PDE8B: variants seen among roughly 807,000 people sequenced by gnomAD.
PDE8B encodes phosphodiesterase 8B.
A neutral mutation model predicts 101.3 loss-of-function variants in PDE8B; 26 were observed. The observed-to-expected ratio is 0.26, with a 90% CI of 0.19 to 0.36. The LOEUF (loss-of-function observed/expected upper bound fraction) is 0.36. Ranked by LOEUF, PDE8B falls within the 10% of genes least tolerant of loss-of-function variation. PDE8B has a pLI of 1.00. For synonymous variants in PDE8B, 424 were observed against 429.3 expected (o/e 0.99, Z 0.15); for missense variants, 810 against 1,163.1 (o/e 0.70, Z 4.42).
At chr5:77,357,425 C>T (rs1261165869) in intron 10 of PDE8B, among the ~76,000 whole-genome samples, 1 of 152,206 alleles carries the variant, frequency 6.6e-6, no homozygotes, top group Non-Finnish European at 1.5e-5. Context: ...TTAAAATGAC[C>T]TCCTGCCCTT....
At chr5:77,262,792 C>G (rs1352701014) in intron 1 of PDE8B, among the ~76,000 whole-genome samples, 1 of 152,176 alleles carries the variant, frequency 6.6e-6, no homozygotes, top group Non-Finnish European at 1.5e-5. Flanking sequence ...CTTGTTTTCT[C>G]TCCTAAAGTC....
the PDE8B span, among the ~76,000 whole-genome samples, chr5:77,097,732 T>C: frequency 0.01 from 672 of 65,130 alleles, 36 homozygotes; most frequent in African/African-American, 0.024. Flanking sequence ...TATATATATA[T>C]ACATACATAT....
intron 1 of PDE8B, among the ~76,000 whole-genome samples, chr5:77,285,461 C>T (rs1456266439): frequency 1.3e-5 from 2 of 152,114 alleles, no homozygotes; most frequent in African/African-American, 4.8e-5. Flanking sequence ...CGTAGTTTCT[C>T]ATGAAAATTT....
intron 11 of PDE8B, among the ~76,000 whole-genome samples, chr5:77,401,708 A>G (rs1792324604): frequency 6.6e-6 from 1 of 152,084 alleles, no homozygotes. Context: ...TTTTTGCCAC[A>G]GAGTACAGCT....
the PDE8B span, among the ~76,000 whole-genome samples, chr5:77,133,185 T>C: frequency 7.8e-3 from 1,184 of 152,288 alleles, 14 homozygotes; most frequent in African/African-American, 0.027. Flanking sequence ...ACTTGTGTGG[T>C]TGGGCTTGTT....
chr5:77,337,654 T>A (rs184864748), intron 6 of PDE8B, among the ~76,000 whole-genome samples: 14 of 152,314 alleles, frequency 9.2e-5, no homozygotes, highest in Admixed American at 6.5e-4. Flanking sequence ...TATTTATACA[T>A]TTTTACTTGG....
At chr5:77,286,649 C>G (rs561087698) in intron 1 of PDE8B, among the ~76,000 whole-genome samples, 1 of 152,298 alleles carries the variant, frequency 6.6e-6, no homozygotes, top group East Asian at 1.9e-4. Flanking sequence ...TAGGAATTTA[C>G]TCGTTCTTAC....
intron 3 of PDE8B, 64 bp from the exon 4 acceptor site, chr5:77,328,934 C>A (rs1359969612): frequency 3.3e-6 from 4 of 1,222,934 alleles, no homozygotes; most frequent in Non-Finnish European, 3.6e-6. Flanking sequence ...TGAAGAAGTT[C>A]CACATTCATT....
chr5:77,159,972 T>C, the PDE8B span, among the ~76,000 whole-genome samples: 1 of 152,162 alleles, frequency 6.6e-6, no homozygotes, highest in South Asian at 2.1e-4. Context: ...ACATTTAAAG[T>C]TAAGGTTATA....
At chr5:77,308,914 C>T (rs1488441922) in intron 1 of PDE8B, among the ~76,000 whole-genome samples, 1 of 152,160 alleles carries the variant, frequency 6.6e-6, no homozygotes, top group East Asian at 1.9e-4. Context: ...CACAATGGCT[C>T]ATGCCTGTAA....
chr5:77,213,449 T>C (rs1748932597), intron 1 of PDE8B, among the ~76,000 whole-genome samples: 1 of 152,256 alleles, frequency 6.6e-6, no homozygotes, highest in South Asian at 2.1e-4. Flanking sequence ...TAGTATCCTT[T>C]TAGGCCTGTG....
chr5:77,091,027 C>T, the PDE8B span, among the ~76,000 whole-genome samples: 1 of 152,180 alleles, frequency 6.6e-6, no homozygotes, highest in African/African-American at 2.4e-5. Context: ...ATTGACATTT[C>T]CACCAATAGG....
intron 1 of PDE8B, among the ~76,000 whole-genome samples, chr5:77,287,553 G>T (rs147275340): frequency 6.9e-6 from 1 of 143,980 alleles, no homozygotes; most frequent in South Asian, 2.2e-4. Context: ...TGTTCCTGAC[G>T]CGTTCTCTCT....
At chr5:77,271,515 G>C (rs1014156043) in intron 1 of PDE8B, among the ~76,000 whole-genome samples, 1 of 152,244 alleles carries the variant, frequency 6.6e-6, no homozygotes, top group Non-Finnish European at 1.5e-5. Context: ...GAAGAAGGTA[G>C]TGACTGAAGG....
intron 6 of PDE8B, among the ~76,000 whole-genome samples, chr5:77,338,019 C>T (rs1178761862): frequency 6.6e-6 from 1 of 152,154 alleles, no homozygotes; most frequent in East Asian, 1.9e-4. Context: ...GTTTTCCTCT[C>T]TTCTCAGCCA....
chr5:77,394,905 C>G (rs1048099768), intron 10 of PDE8B, among the ~76,000 whole-genome samples: 9 of 152,134 alleles, frequency 5.9e-5, no homozygotes, highest in African/African-American at 1.2e-4. Flanking sequence ...GATTAATTAC[C>G]TCAACATTGC....
intron 1 of PDE8B, among the ~76,000 whole-genome samples, chr5:77,230,515 A>G (rs1753355237): frequency 6.6e-6 from 1 of 152,080 alleles, no homozygotes; most frequent in African/African-American, 2.4e-5. Context: ...TGCCTAGGCT[A>G]GAGTATAGTG....
At chr5:77,221,629 G>A (rs944384724) in intron 1 of PDE8B, among the ~76,000 whole-genome samples, 3 of 152,096 alleles carry the variant, frequency 2.0e-5, no homozygotes, top group Non-Finnish European at 2.9e-5. Context: ...CTATCATTTT[G>A]TCTTCATGTA....
In PDE8B at chr5:77,360,815, C is replaced by T. The variant is rs1272397800; in HGVS notation, c.1167+7409C>T. ...CTTTGAAACAACTCTTGACTCCATG[C>T]CCACTTCCCAACCCACCACCACTTC... On this transcript the variant is annotated intron_variant, in intron 10 of 21. Coordinates refer to ENST00000264917, the MANE Select transcript of PDE8B (RefSeq NM_003719.5). Among the ~76,000 whole-genome samples the T allele has an allele frequency of 3.3e-5, 5 of 152,260 alleles. No individual in the cohort carries two copies. The East Asian group carries it at 7.7e-4, about 24-fold the overall frequency.
Sources: gnomAD v4.1 joint callset for allele counts (sites outside exome capture counted in the v4.1 genomes callset) on GRCh38, gnomAD v4.1.1 for gene constraint, MANE v1.5 for transcripts, NCBI Gene and HGNC (gene_info 2026-07-23, HGNC 2026-07-21) for gene names.